The following TWSG1 variants were observed in gnomAD, a reference collection of about 807,000 sequenced individuals.
TWSG1 encodes twisted gastrulation protein homolog 1.
A neutral mutation model predicts 23.0 loss-of-function variants in TWSG1; 15 were observed. The ratio of observed to expected loss-of-function variants is 0.65; its 90% CI spans 0.44 to 1.00. The LOEUF is 1.00. Among genes scored for constraint, TWSG1 ranks in the 50% least tolerant of loss-of-function variants. TWSG1 has a pLI of 0.00. For missense variants in TWSG1, 242 were observed against 278.7 expected (o/e 0.87, Z 0.94); for synonymous variants, 86 against 92.8 (o/e 0.93, Z 0.42).
At chr18:9,360,723 T>C (rs2040548542) in intron 3 of TWSG1, among the ~76,000 whole-genome samples, 1 of 152,222 alleles carries the variant, frequency 6.6e-6, no homozygotes, top group Admixed American at 6.5e-5. Context: ...TATCATCATA[T>C]TGATCTTTTT....
intron 3 of TWSG1, among the ~76,000 whole-genome samples, chr18:9,387,617 A>T (rs190472156): frequency 9.3e-4 from 141 of 151,822 alleles, no homozygotes; most frequent in African/African-American, 3.0e-3. Context: ...ATACAAAAAA[A>T]AAATTAGCTG....
At chr18:9,385,015 T>C (rs1444206032) in intron 3 of TWSG1, among the ~76,000 whole-genome samples, 2 of 152,142 alleles carry the variant, frequency 1.3e-5, no homozygotes, top group African/African-American at 2.4e-5. Context: ...AAGGGGGTTA[T>C]GGTGAGAGTA....
At chr18:9,396,998 CTGT>C in intron 4 of TWSG1, 6 of 162,962 alleles carry the variant, frequency 3.7e-5, no homozygotes, top group South Asian at 1.9e-4. Flanking sequence ...TCGGAGGTTG[CTGT>C]GAACCGAGAT....
At chr18:9,389,672 G>GT (rs1171062622) in intron 3 of TWSG1, among the ~76,000 whole-genome samples, 7 of 152,086 alleles carry the variant, frequency 4.6e-5, no homozygotes, top group East Asian at 1.9e-4. Context: ...GAAATAGATG[G>GT]TTTTTTTCTC....
At chr18:9,343,478 G>A (rs1022230288) in intron 2 of TWSG1, among the ~76,000 whole-genome samples, 33 of 151,718 alleles carry the variant, frequency 2.2e-4, no homozygotes, top group African/African-American at 7.8e-4. Context: ...ACAATTGAGT[G>A]GTTTTGGCAT....
At chr18:9,360,878 C>T in intron 3 of TWSG1, among the ~76,000 whole-genome samples, 1 of 152,146 alleles carries the variant, frequency 6.6e-6, no homozygotes, top group Non-Finnish European at 1.5e-5. Flanking sequence ...GCACTGCTTC[C>T]ATAATTCTGA....
intron 2 of TWSG1, among the ~76,000 whole-genome samples, chr18:9,342,638 G>C (rs1274809585): frequency 6.6e-6 from 1 of 152,034 alleles, no homozygotes; most frequent in African/African-American, 2.4e-5. Context: ...CTCCCAAATG[G>C]AGCCTTCAGT....
intron 2 of TWSG1, among the ~76,000 whole-genome samples, chr18:9,346,318 A>G (rs185422678): frequency 1.1e-3 from 163 of 152,298 alleles, no homozygotes; most frequent in Admixed American, 2.6e-3. Context: ...TCATGGCTTG[A>G]TAATGCATTT....
At chr18:9,365,268 G>A (rs962424760) in intron 3 of TWSG1, among the ~76,000 whole-genome samples, 2 of 152,174 alleles carry the variant, frequency 1.3e-5, no homozygotes, top group African/African-American at 4.8e-5. Flanking sequence ...GCTGCAGTGA[G>A]CTCTGATTGC....
chr18:9,352,143 G>A (rs917521762), intron 2 of TWSG1, among the ~76,000 whole-genome samples: 2 of 151,758 alleles, frequency 1.3e-5, no homozygotes, highest in Admixed American at 1.3e-4. Flanking sequence ...CTATAGTTTT[G>A]CCTTTTCCAG....
chr18:9,341,810 ATT>A (rs879588904), intron 2 of TWSG1, among the ~76,000 whole-genome samples: 1 of 112,420 alleles, frequency 8.9e-6, no homozygotes. Context: ...TTATTTTATT[ATT>A]TTTTTTTTTT....
intron 3 of TWSG1, among the ~76,000 whole-genome samples, chr18:9,381,067 C>T (rs977634226): frequency 1.3e-5 from 2 of 152,290 alleles, no homozygotes; most frequent in African/African-American, 4.8e-5. Flanking sequence ...AAAAACTAAA[C>T]ACACCCTCTG....
chr18:9,352,124 T>C (rs2040504966), intron 2 of TWSG1, among the ~76,000 whole-genome samples: 1 of 152,182 alleles, frequency 6.6e-6, no homozygotes, highest in East Asian at 1.9e-4. Context: ...CTGATTTGAT[T>C]TTTTTTCTCT....
intron 3 of TWSG1, among the ~76,000 whole-genome samples, chr18:9,391,611 A>C (rs1183054713): frequency 6.6e-6 from 1 of 152,370 alleles, no homozygotes; most frequent in East Asian, 1.9e-4. Context: ...TAGTAACATC[A>C]AAGATTAGTA....
At chr18:9,344,745 T>G (rs1041320671) in intron 2 of TWSG1, among the ~76,000 whole-genome samples, 7 of 151,232 alleles carry the variant, frequency 4.6e-5, no homozygotes, top group African/African-American at 9.7e-5. Flanking sequence ...GTGCTCTTTT[T>G]TGTGTGTGTG....
chr18:9,390,525 CTGGCCTCAAGCAA>C (rs2040707735), intron 3 of TWSG1, among the ~76,000 whole-genome samples: 2 of 152,044 alleles, frequency 1.3e-5, no homozygotes, highest in African/African-American at 2.4e-5. Context: ...TCTCAATTTC[CTGGCCTCAAGCAA>C]CCCTCCAGCC....
At chr18:9,386,108 G>A (rs1223966135) in intron 3 of TWSG1, among the ~76,000 whole-genome samples, 1 of 151,450 alleles carries the variant, frequency 6.6e-6, no homozygotes, top group Non-Finnish European at 1.5e-5. Flanking sequence ...GGCGGAGGTT[G>A]CAGTGAGCCG....
chr18:9,359,809 G>A (rs1285525786), intron 2 of TWSG1, among the ~76,000 whole-genome samples, 163 bp from the exon 3 acceptor site: 1 of 152,148 alleles, frequency 6.6e-6, no homozygotes, highest in Non-Finnish European at 1.5e-5. Flanking sequence ...ACGTGACATT[G>A]TAGATATTTA....
chr18:9,384,880 A>G (rs919150752), intron 3 of TWSG1, among the ~76,000 whole-genome samples: 34 of 152,164 alleles, frequency 2.2e-4, no homozygotes, highest in Non-Finnish European at 1.3e-4. Flanking sequence ...TCCTGATCTC[A>G]GGTGATCCAC....
Sources: allele counts gnomAD v4.1 joint callset (sites outside exome capture counted in the v4.1 genomes callset), GRCh38; gene constraint gnomAD v4.1.1; transcripts MANE v1.5; gene names NCBI Gene and HGNC (gene_info 2026-07-23, HGNC 2026-07-21).